CFAP47: variants seen among roughly 807,000 people sequenced by gnomAD.
The protein encoded by CFAP47 is cilia and flagella associated protein 47.
Under a neutral mutation model 148.1 loss-of-function variants are expected in CFAP47, and 29 were observed. The ratio of observed to expected loss-of-function variants is 0.20; its 90% confidence interval spans 0.15 to 0.27. The LOEUF is 0.27. CFAP47 is among the 10% of genes least tolerant of loss of function. The pLI is 1.00. For synonymous variants in CFAP47, 664 were observed against 577.3 expected (o/e 1.15, Z -2.15); for missense variants, 1,872 against 1,697.5 (o/e 1.10, Z -1.81).
intron 50 of CFAP47, among the ~76,000 whole-genome samples, chrX:36,282,835 A>C (rs1556003872): frequency 8.9e-6 from 1 of 112,119 alleles, no homozygotes; most frequent in African/African-American, 3.2e-5. Context: ...TAGTATATTT[A>C]AACTTTTAAT....
intron 2 of CFAP47, among the ~76,000 whole-genome samples, chrX:35,936,114 T>G (rs1935907445): frequency 8.9e-6 from 1 of 111,748 alleles, no homozygotes; most frequent in South Asian, 3.7e-4. Context: ...CCATTCTCTT[T>G]CTTCTGTTCT....
At chrX:35,932,595 A>G (rs182281640) in intron 2 of CFAP47, among the ~76,000 whole-genome samples, 1 of 106,341 alleles carries the variant, frequency 9.4e-6, no homozygotes, top group African/African-American at 3.4e-5. Context: ...TCTCTCTTTT[A>G]TTATTTCCTG....
Position 36,310,943 on chromosome X carries a change from C to T in CFAP47, c.8298C>T (p.Phe2766=). The T allele has an allele frequency of 8.8e-7, 1 of 1,140,783 alleles. No homozygotes were observed. 94.0% of individuals were successfully genotyped at this position (1,140,783 alleles called of 1,213,427 possible). A position where few individuals can be genotyped will look rare whatever the true frequency, so the allele number is the denominator to read the frequency against. Residue 2766 remains phenylalanine (F), a synonymous_variant, in exon 56 of 64, where the codon TTC becomes TTT. Coordinates refer to ENST00000378653, the MANE Select transcript of CFAP47 (RefSeq NM_001304548.2). ...IGLQSTIVIP[F]KNPTMEDVLI... Reference sequence around the variant, plus strand: ...TTCAGTCAACTATTGTTATACCTTTCAAAAATCCCACAATGGAAGATGTCC... The same window carrying T: ...TTCAGTCAACTATTGTTATACCTTTTAAAAATCCCACAATGGAAGATGTCC...
At chrX:36,317,459 G>C (rs1556011199) in intron 56 of CFAP47, among the ~76,000 whole-genome samples, 1 of 109,546 alleles carries the variant, frequency 9.1e-6, no homozygotes, top group Non-Finnish European at 1.9e-5. Context: ...GCCCAGACTG[G>C]AGTGCAGTGG....
intron 61 of CFAP47, among the ~76,000 whole-genome samples, chrX:36,363,425 T>C (rs1453194035): frequency 2.7e-5 from 3 of 111,254 alleles, no homozygotes; most frequent in African/African-American, 9.8e-5. Context: ...TTGGTAAACA[T>C]TTGTGTACCT....
intron 46 of CFAP47, among the ~76,000 whole-genome samples, chrX:36,235,201 T>A (rs782356095): frequency 1.8e-5 from 2 of 112,032 alleles, no homozygotes; most frequent in Non-Finnish European, 3.8e-5. Context: ...TTTTTGTTTG[T>A]CTGTGCCCTG....
chrX:36,330,244 T>C (rs1381609316), intron 57 of CFAP47, among the ~76,000 whole-genome samples: 2 of 94,850 alleles, frequency 2.1e-5, no homozygotes, highest in Non-Finnish European at 4.2e-5. Flanking sequence ...GCATTAATAC[T>C]GAGTAGCAAA....
At chrX:36,233,754 G>A (rs1443390985) in intron 46 of CFAP47, among the ~76,000 whole-genome samples, 8 of 111,045 alleles carry the variant, frequency 7.2e-5, no homozygotes, top group South Asian at 7.7e-4. Context: ...GGCTGGTACC[G>A]GTTGTTCCTT....
chrX:36,201,333 G>A lies in CFAP47; in HGVS notation c.6496G>A (p.Val2166Met). The A allele has an allele frequency of 3.4e-6, 1 of 297,284 alleles. No individual in the cohort carries two copies. 24.5% of individuals were successfully genotyped at this position (297,284 alleles called of 1,213,427 possible). A position where few individuals can be genotyped will look rare whatever the true frequency, so the allele number is the denominator to read the frequency against. The change falls in exon 44 of 64, where the codon GTG becomes ATG. Residue 2166 changes from valine to methionine, a missense_variant. Transcript: ENST00000378653. ...LKCKPYQILY[V>M]DLKLPMTNEA... ...ATGCAAACCCTATCAAATCCTGTAT[G>A]TGGACCTTAAATTGCCAATGACTAA...
At chrX:36,253,036 T>A (rs1463788903) in intron 49 of CFAP47, among the ~76,000 whole-genome samples, 1 of 112,386 alleles carries the variant, frequency 8.9e-6, no homozygotes, top group African/African-American at 3.2e-5. Flanking sequence ...GCCTTTCCTT[T>A]GTGTAATCTT....
intron 46 of CFAP47, among the ~76,000 whole-genome samples, chrX:36,235,681 G>A (rs782776515): frequency 8.9e-6 from 1 of 112,301 alleles, no homozygotes; most frequent in African/African-American, 3.2e-5. Flanking sequence ...TACCTCAGAT[G>A]GAAATGCAGA....
intron 21 of CFAP47, among the ~76,000 whole-genome samples, chrX:36,013,319 A>T (rs1937060948): frequency 8.9e-6 from 1 of 111,750 alleles, no homozygotes; most frequent in African/African-American, 3.3e-5. Flanking sequence ...TTTATGATTC[A>T]CCTGCCTGGG....
chrX:36,121,684 C>T (rs1262725929), intron 33 of CFAP47, among the ~76,000 whole-genome samples: 1 of 111,204 alleles, frequency 9.0e-6, no homozygotes, highest in Non-Finnish European at 1.9e-5. Flanking sequence ...CTTCATCCCT[C>T]CCCATCTTCT....
Position 36,018,879 on chromosome X carries a change from G to A in CFAP47, c.3556+3967G>A, listed in dbSNP as rs778276802. 1.3e-3 allele frequency among the ~76,000 whole-genome samples: 143 copies of A among 110,183 alleles called. No homozygotes were observed. The South Asian group carries it at 0.014, about 11-fold the overall frequency. On this transcript the variant is annotated intron_variant, in intron 22 of 63. Transcript: ENST00000378653. ...CTGGCCTCATAGAATGAATTTGGAA[G>A]TATTCCATTGTCTTCTGTTTTTCAG...
intron 1 of CFAP47, among the ~76,000 whole-genome samples, chrX:35,924,028 T>C (rs191931170): frequency 3.1e-5 from 3 of 96,379 alleles, no homozygotes; most frequent in Non-Finnish European, 6.0e-5. Context: ...TGCACATATA[T>C]ATGCACATAT....
chrX:36,235,114 G>C lies in CFAP47; in HGVS notation c.7015-820G>C, dbSNP rs782487526. Reference sequence around the variant, plus strand: ...AGTCTGCCCGTTCTCAGATCTCCAGGTGTGTGCTGGGAGAACCACTGCTCT... The same window carrying C: ...AGTCTGCCCGTTCTCAGATCTCCAGCTGTGTGCTGGGAGAACCACTGCTCT... On this transcript the variant is annotated intron_variant, in intron 46 of 63. Transcript: ENST00000378653. Among the ~76,000 whole-genome samples, 217 of 111,612 alleles carry C rather than the reference G, an allele frequency of 1.9e-3. 1 individual carries two copies. Among genetic ancestry groups the C allele is most frequent in the African/African-American group, 6.8e-3 (208 of 30,718 alleles).
intron 51 of CFAP47, among the ~76,000 whole-genome samples, chrX:36,296,800 A>G (rs1207352669): frequency 9.0e-6 from 1 of 111,644 alleles, no homozygotes; most frequent in Non-Finnish European, 1.9e-5. Flanking sequence ...GGTTGATAGT[A>G]TGTGTTACCT....
chrX:36,052,152 C>A (rs1937522341), intron 26 of CFAP47, among the ~76,000 whole-genome samples: 1 of 111,833 alleles, frequency 8.9e-6, no homozygotes, highest in Non-Finnish European at 1.9e-5. Flanking sequence ...TCATTAACAG[C>A]AAAGCTAATA....
intron 36 of CFAP47, among the ~76,000 whole-genome samples, 191 bp downstream of exon 36, chrX:36,145,544 T>G (rs1055096837): frequency 3.6e-5 from 4 of 112,243 alleles, no homozygotes; most frequent in African/African-American, 1.3e-4. Context: ...AATTTTTGCT[T>G]AAGAGTAATC....
Sources: allele counts gnomAD v4.1 joint callset (sites outside exome capture counted in the v4.1 genomes callset), GRCh38; gene constraint gnomAD v4.1.1; transcripts MANE v1.5; gene names NCBI Gene and HGNC (gene_info 2026-07-23, HGNC 2026-07-21).